NCOR1: variants seen among roughly 807,000 people sequenced by gnomAD.
The protein encoded by NCOR1 is protein phosphatase 1, regulatory subunit 109.
NCOR1 carries 63 observed loss-of-function variants against 288.1 expected under a neutral mutation model. The ratio of observed to expected loss-of-function variants is 0.22; its 90% CI spans 0.18 to 0.27. The LOEUF is 0.27. Among genes scored for constraint, NCOR1 ranks in the 10% least tolerant of loss-of-function variants. The pLI, the probability that NCOR1 is intolerant of heterozygous loss-of-function variation, is 1.00. For missense variants in NCOR1, 2,397 were observed against 3,019.2 expected, an observed-to-expected ratio of 0.79 and a Z score of 4.83; for synonymous variants, 1,007 against 1,065.9, an observed-to-expected ratio of 0.94 and a Z score of 1.08.
In NCOR1 at chr17:16,073,582, C is replaced by A. The variant is rs764063064; in HGVS notation, c.3671-13G>T. 4.4e-6 allele frequency: 7 copies of A among 1,587,358 alleles called. No homozygotes were observed. The Admixed American group carries it at 8.9e-5, about 20-fold the overall frequency. ...GCATTCTTAATATCTACAGAATACA[C>A]AAACAAGACTTGCTCAGACGGAGCA... On this transcript the variant is annotated splice_polypyrimidine_tract_variant and intron_variant, in intron 27 of 45. Coordinates refer to ENST00000268712, the MANE Select transcript of NCOR1 (RefSeq NM_006311.4).
intron 1 of NCOR1, among the ~76,000 whole-genome samples, chr17:16,196,043 T>TA (rs1294553556): frequency 1.3e-5 from 2 of 151,112 alleles, no homozygotes; most frequent in Non-Finnish European, 2.9e-5. Flanking sequence ...TGTGTGTGCA[T>TA]ACTCTCTTAC....
chr17:16,145,699 G>A (rs1019575262), intron 10 of NCOR1, among the ~76,000 whole-genome samples: 15 of 151,942 alleles, frequency 9.9e-5, no homozygotes, highest in African/African-American at 1.4e-4. Context: ...CCAGCCAGCC[G>A]CCCAGTCCGG....
chr17:16,155,332 C>G (rs2079553630), intron 6 of NCOR1, among the ~76,000 whole-genome samples: 1 of 120,250 alleles, frequency 8.3e-6, no homozygotes, highest in Non-Finnish European at 1.7e-5. Context: ...GCCTGGGCAA[C>G]AGAACAAGAC....
rs1394706804 is a variant in NCOR1, at chr17:16,101,377, G to C, written c.2563C>G (p.Pro855Ala). 6.2e-7 allele frequency: 1 copy of C among 1,614,052 alleles called. No individual in the cohort carries two copies. Among genetic ancestry groups the C allele is most frequent in the Non-Finnish European group, 8.5e-7 (1 of 1,180,046 alleles). ...DLDRASEKVE[P>A]RDEDLVVAQQ... ...GCTACCACCAAATCTTCATCTCTAG[G>C]TTCCACCTTCTCACTGGCTCTATCC... is the stretch of plus-strand genomic sequence containing the variant. The change falls in exon 20 of 46, where the codon CCT becomes GCT. Residue 855 changes from proline to alanine, a missense_variant. Physicochemically the swap from Pro to Ala is conservative, Grantham distance 27 (BLOSUM62 -1). Transcript: ENST00000268712.
intron 7 of NCOR1, 94 bp downstream of exon 7, chr17:16,153,245 C>T (rs557148393): frequency 1.1e-6 from 1 of 886,788 alleles, no homozygotes. Flanking sequence ...CTCTCTTATC[C>T]CAAAATAAAT....
At chr17:16,147,025 A>G (rs185102216) in intron 9 of NCOR1, among the ~76,000 whole-genome samples, 1 of 152,340 alleles carries the variant, frequency 6.6e-6, no homozygotes, top group African/African-American at 2.4e-5. Flanking sequence ...GTTCTGGTTG[A>G]TTGCCATTTT....
intron 20 of NCOR1, among the ~76,000 whole-genome samples, chr17:16,099,215 C>T (rs2067175375): frequency 1.3e-5 from 2 of 152,114 alleles, no homozygotes; most frequent in Admixed American, 6.5e-5. Flanking sequence ...CACACTCCAC[C>T]GGCTGATGTT....
At chr17:16,166,364 T>G (rs1162612051) in intron 4 of NCOR1, among the ~76,000 whole-genome samples, 1 of 152,128 alleles carries the variant, frequency 6.6e-6, no homozygotes, top group East Asian at 1.9e-4. Flanking sequence ...GCTTCCAAAA[T>G]AAACCAGTAT....
Position 16,129,946 on chromosome 17 carries a change from C to T in NCOR1, c.1510-3740G>A, listed in dbSNP as rs562285590. 3.9e-5 allele frequency among the ~76,000 whole-genome samples: 6 copies of T among 152,370 alleles called. No homozygotes were observed. In the East Asian group the frequency reaches 1.2e-3, roughly 29 times the overall value. On this transcript the variant is annotated intron_variant, in intron 14 of 45. Transcript: ENST00000268712. ...CTAAAATCCAACCAACAGATAACTT[C>T]ACTCCCCTTTCCCTGGTGCTAGGGA...
rs1280910195 is a variant in NCOR1 at position 16,139,175 on chromosome 17, T to C, written c.1185A>G (p.Lys395=). 6.2e-7 allele frequency: 1 copy of C among 1,606,262 alleles called. No individual in the cohort carries two copies. The highest frequency in any genetic ancestry group is 1.7e-5 in the Admixed American group (1 of 57,236). Residue 395 remains lysine (K), a synonymous_variant, in exon 12 of 46, where the codon AAA becomes AAG. Transcript: ENST00000268712. ...GAATCACAGAGAGCTGCCGCATTTG[T>C]TTCTCATTATTCTGGAAAAAAAATA... The part of the protein sequence containing the change: ...DGLSEQENNE[K]QMRQLSVIPP...
At position 16,101,385 on chromosome 17, in the gene NCOR1, T is replaced by G. The variant is rs758387445; in HGVS notation, c.2555A>C (p.Lys852Thr). The stretch of plus-strand genomic sequence containing the variant: ...CAAATCTTCATCTCTAGGTTCCACC[T>G]TCTCACTGGCTCTATCCAAGTCTCT... ...KERDLDRASE[K>T]VEPRDEDLVV... The change falls in exon 20 of 46, where the codon AAG (lysine) becomes ACG (threonine). Residue 852 changes from lysine (K) to threonine (T), a missense_variant. Physicochemically the swap from Lys to Thr is moderately conservative, Grantham distance 78. Coordinates refer to ENST00000268712, the MANE Select transcript of NCOR1 (RefSeq NM_006311.4). The G allele has an allele frequency of 6.2e-7, 1 of 1,614,238 alleles. No individual in the cohort carries two copies. Among genetic ancestry groups the G allele is most frequent in the Non-Finnish European group, 8.5e-7 (1 of 1,180,044 alleles).
chr17:16,065,877 T>A, intron 32 of NCOR1, 183 bp from the exon 33 acceptor site: 1 of 601,776 alleles, frequency 1.7e-6, no homozygotes, highest in Non-Finnish European at 3.0e-6. Context: ...ATAGCAATTC[T>A]AATGTCTAAG....
intron 19 of NCOR1, among the ~76,000 whole-genome samples, chr17:16,107,316 T>C (rs1478830415): frequency 6.6e-6 from 1 of 152,088 alleles, no homozygotes; most frequent in Non-Finnish European, 1.5e-5. Flanking sequence ...ACGAGGCCTT[T>C]AAGGAGATGA....
chr17:16,128,189 C>T (rs907775640), intron 14 of NCOR1, among the ~76,000 whole-genome samples: 1 of 152,198 alleles, frequency 6.6e-6, no homozygotes, highest in Non-Finnish European at 1.5e-5. Context: ...CTCCAATCAC[C>T]ATCCTGCCAC....
At chr17:16,080,099 C>T in intron 25 of NCOR1, 35 bp from the exon 26 acceptor site, 2 of 1,559,350 alleles carry the variant, frequency 1.3e-6, no homozygotes, top group Admixed American at 1.7e-5. Flanking sequence ...AAATTACACC[C>T]CCAGCCCCTG....
chr17:16,090,139 T>TC (rs1265208031), intron 22 of NCOR1, among the ~76,000 whole-genome samples: 1 of 152,136 alleles, frequency 6.6e-6, no homozygotes, highest in Non-Finnish European at 1.5e-5. Flanking sequence ...TTCAGTTTCT[T>TC]CAGTTCCCAA....
At chr17:16,040,053 G>A (rs1567650199) in intron 43 of NCOR1, 1 of 419,322 alleles carries the variant, frequency 2.4e-6, no homozygotes, top group Non-Finnish European at 4.6e-6. Context: ...GCCTCCCAAA[G>A]TGCTGGGATT....
Position 16,201,808 on chromosome 17 carries a change from A to G in NCOR1, c.-70-7169T>C, listed in dbSNP as rs2090848022. Among the ~76,000 whole-genome samples the G allele has an allele frequency of 5.3e-5, 8 of 151,310 alleles. No individual in the cohort carries two copies. In the South Asian group the frequency reaches 1.7e-3, roughly 32 times the overall value. ...ATAAGAACAAACATATTTCAAAGCCAGCCAAGCGCGGTGGCTCACGTCTGT... is the reference window on the plus strand; with the variant it reads ...ATAAGAACAAACATATTTCAAAGCCGGCCAAGCGCGGTGGCTCACGTCTGT... On this transcript the variant is annotated intron_variant, in intron 1 of 45. Coordinates refer to ENST00000268712, the MANE Select transcript of NCOR1 (RefSeq NM_006311.4).
intron 19 of NCOR1, among the ~76,000 whole-genome samples, chr17:16,105,948 A>C (rs573549138): frequency 1.3e-5 from 2 of 152,272 alleles, no homozygotes; most frequent in East Asian, 3.9e-4. Flanking sequence ...AAAAGTACAA[A>C]AATTAGCTGG....
Sources: allele counts gnomAD v4.1 joint callset (sites outside exome capture counted in the v4.1 genomes callset), GRCh38; gene constraint gnomAD v4.1.1; transcripts MANE v1.5; gene names NCBI Gene and HGNC (gene_info 2026-07-23, HGNC 2026-07-21).